LARGE1: variants seen among roughly 807,000 people sequenced by gnomAD.
LARGE1 encodes the protein LARGE xylosyl- and glucuronyltransferase 1.
Under a neutral mutation model 87.6 loss-of-function variants are expected in LARGE1, and 43 were observed. The ratio of observed to expected loss-of-function variants is 0.49; its 90% CI spans 0.38 to 0.63. The LOEUF is 0.63. Ranked by LOEUF, LARGE1 falls within the 30% of genes least tolerant of loss-of-function variation. The pLI, the probability that LARGE1 is intolerant of heterozygous loss-of-function variation, is 0.00. For synonymous variants in LARGE1, 434 were observed against 394.6 expected (o/e 1.10, Z -1.18); for missense variants, 802 against 1,000.2 (o/e 0.80, Z 2.67).
chr22:33,070,786 T>C, the LARGE1 span, among the ~76,000 whole-genome samples: 1 of 152,148 alleles, frequency 6.6e-6, no homozygotes, highest in Non-Finnish European at 1.5e-5. Flanking sequence ...GCACATTTTG[T>C]GTGTTCTGGG....
chr22:33,076,464 G>C, the LARGE1 span, among the ~76,000 whole-genome samples: 2 of 152,172 alleles, frequency 1.3e-5, no homozygotes, highest in African/African-American at 4.8e-5. Flanking sequence ...GGATTCTTCT[G>C]AAGATATTTT....
chr22:33,253,456 A>C (rs188665186), intron 11 of LARGE1, among the ~76,000 whole-genome samples: 679 of 152,336 alleles, frequency 4.5e-3, no homozygotes, highest in Non-Finnish European at 5.8e-3. Context: ...TCATGCCTGT[A>C]ATTCCAGCAC....
intron 1 of LARGE1, among the ~76,000 whole-genome samples, chr22:33,813,503 T>C (rs2086562130): frequency 6.6e-6 from 1 of 152,034 alleles, no homozygotes; most frequent in Non-Finnish European, 1.5e-5. Context: ...GCCCACCAGA[T>C]ACATAAAACA....
chr22:33,841,222 T>C (rs9609875), intron 1 of LARGE1, among the ~76,000 whole-genome samples: 1 of 152,026 alleles, frequency 6.6e-6, no homozygotes, highest in Non-Finnish European at 1.5e-5. Flanking sequence ...GTCTGTTCTG[T>C]TACTCTCATT....
At chr22:33,167,709 G>A (rs1049946676) in intron 11 of LARGE1, among the ~76,000 whole-genome samples, 1 of 152,148 alleles carries the variant, frequency 6.6e-6, no homozygotes, top group East Asian at 1.9e-4. Context: ...TAACCATAGT[G>A]TTTTTGATTA....
intron 6 of LARGE1, among the ~76,000 whole-genome samples, chr22:33,559,415 C>T (rs2077788844): frequency 6.6e-6 from 1 of 152,222 alleles, no homozygotes; most frequent in Non-Finnish European, 1.5e-5. Flanking sequence ...CTCCTGACCT[C>T]AGGTGATCCA....
At chr22:33,202,374 A>G (rs1924444493) in intron 11 of LARGE1, among the ~76,000 whole-genome samples, 1 of 152,132 alleles carries the variant, frequency 6.6e-6, no homozygotes, top group African/African-American at 2.4e-5. Flanking sequence ...GACTACGGCC[A>G]CCTTATCTTT....
At chr22:33,629,006 G>A (rs547040491) in intron 3 of LARGE1, among the ~76,000 whole-genome samples, 8 of 152,332 alleles carry the variant, frequency 5.3e-5, no homozygotes, top group Admixed American at 5.2e-4. Context: ...TATGAGGGAT[G>A]AGGGAGCAAA....
At chr22:33,476,077 G>C (rs1268668957) in intron 6 of LARGE1, among the ~76,000 whole-genome samples, 2 of 152,152 alleles carry the variant, frequency 1.3e-5, no homozygotes, top group African/African-American at 2.4e-5. Context: ...CTCACAATTT[G>C]GCCACAAGGA....
At chr22:33,643,783 T>A (rs570489332) in intron 3 of LARGE1, among the ~76,000 whole-genome samples, 8 of 152,074 alleles carry the variant, frequency 5.3e-5, no homozygotes, top group Admixed American at 3.3e-4. Context: ...ACTGTAAACA[T>A]CTCTACACAA....
intron 6 of LARGE1, among the ~76,000 whole-genome samples, chr22:33,453,696 G>GT (rs1569177708): frequency 6.6e-6 from 1 of 152,164 alleles, no homozygotes; most frequent in Admixed American, 6.5e-5. Context: ...CTGGCTCCTG[G>GT]TTTTTTTACT....
intron 1 of LARGE1, among the ~76,000 whole-genome samples, chr22:33,835,167 AATT>A (rs2063076698): frequency 6.6e-6 from 1 of 152,250 alleles, no homozygotes; most frequent in Admixed American, 6.5e-5. Flanking sequence ...CTTATGCAGA[AATT>A]ATTATTACAT....
chr22:33,190,779 A>G (rs76339680), intron 11 of LARGE1, among the ~76,000 whole-genome samples: 2,273 of 152,326 alleles, frequency 0.015, 42 homozygotes, highest in African/African-American at 0.047. Context: ...CAAAATAAGC[A>G]GAAGGTAGAA....
intron 1 of LARGE1, among the ~76,000 whole-genome samples, chr22:33,770,855 C>T (rs1426658563): frequency 2.0e-5 from 3 of 152,076 alleles, no homozygotes; most frequent in Non-Finnish European, 2.9e-5. Context: ...TTTACTCCTC[C>T]CATTCTTGAT....
intron 6 of LARGE1, among the ~76,000 whole-genome samples, chr22:33,480,567 C>T (rs574362560): frequency 6.6e-6 from 1 of 152,140 alleles, no homozygotes; most frequent in African/African-American, 2.4e-5. Context: ...TGTATATATT[C>T]TCCAAGGGCT....
intron 1 of LARGE1, among the ~76,000 whole-genome samples, chr22:33,769,933 A>G (rs2085014375): frequency 6.6e-6 from 1 of 152,144 alleles, no homozygotes. Flanking sequence ...CACAGCTCTC[A>G]TTCTTTTTTT....
intron 2 of LARGE1, among the ~76,000 whole-genome samples, chr22:33,746,858 G>A (rs746598764): frequency 4.6e-5 from 7 of 152,070 alleles, no homozygotes; most frequent in Admixed American, 2.0e-4. Context: ...AGGAGGGGGC[G>A]CTGAGACCAG....
chr22:33,720,696 A>G (rs1276242478), intron 2 of LARGE1, among the ~76,000 whole-genome samples: 2 of 152,176 alleles, frequency 1.3e-5, no homozygotes, highest in Non-Finnish European at 1.5e-5. Flanking sequence ...GGAAAAGCAA[A>G]TATCAGAGAA....
chr22:33,781,847 A>T (rs1460472759), intron 1 of LARGE1, among the ~76,000 whole-genome samples: 1 of 152,002 alleles, frequency 6.6e-6, no homozygotes, highest in African/African-American at 2.4e-5. Flanking sequence ...CACTGATAAA[A>T]ATAGAAAGCA....
Sources: gnomAD v4.1 joint callset for allele counts (sites outside exome capture counted in the v4.1 genomes callset) on GRCh38, gnomAD v4.1.1 for gene constraint, MANE v1.5 for transcripts, NCBI Gene and HGNC (gene_info 2026-07-23, HGNC 2026-07-21) for gene names.